The following ENGASE variants were observed in gnomAD, a reference collection of about 807,000 sequenced individuals.
ENGASE encodes the protein cytosolic endo-beta-N-acetylglucosaminidase.
ENGASE carries 69 observed loss-of-function variants against 78.5 expected under a neutral mutation model. The ratio of observed to expected loss-of-function variants is 0.88; its 90% confidence interval spans 0.72 to 1.07. ENGASE has a LOEUF of 1.07. Among genes scored for constraint, ENGASE ranks in the 50% least tolerant of loss-of-function variants. The probability of loss-of-function intolerance (pLI) is 0.00; values close to 1 mark genes in which losing one functional copy is unlikely to be tolerated. For missense variants in ENGASE, 943 were observed against 988.4 expected (o/e 0.95, Z 0.62); for synonymous variants, 408 against 408.9 (o/e 1.00, Z 0.03).
chr17:79,078,922 C>T (rs1484259749), intron 3 of ENGASE, among the ~76,000 whole-genome samples: 1 of 152,188 alleles, frequency 6.6e-6, no homozygotes, highest in Non-Finnish European at 1.5e-5. Context: ...TGTTCATTGG[C>T]TCACAGGGGG....
At position 79,083,830 on chromosome 17, in the gene ENGASE, C is replaced by T; in HGVS notation, c.1321C>T (p.Leu441=). The change falls in exon 10 of 14, where the codon CTG becomes TTG. Residue 441 remains leucine, a synonymous_variant. Coordinates refer to ENST00000579016, the MANE Select transcript of ENGASE (RefSeq NM_001042573.3). This position sits in a 1 kb window ranked among gnomAD's most constrained non-coding sequence, Gnocchi z 4.9. ...EIQPLFGEHR[L]GGDGRGWVRT... ...CCAGCCCTTGTTTGGAGAACACAGGCTGGGAGGGGATGGCCGGGGCTGGGT... is the reference window on the plus strand; with the variant it reads ...CCAGCCCTTGTTTGGAGAACACAGGTTGGGAGGGGATGGCCGGGGCTGGGT... The T allele has an allele frequency of 6.2e-7, 1 of 1,612,922 alleles. No homozygotes were observed. The highest frequency in any genetic ancestry group is 8.5e-7 in the Non-Finnish European group (1 of 1,179,730).
rs147090455 is a variant in ENGASE at position 79,078,801 on chromosome 17, C to T, written c.417-688C>T. On this transcript the variant is annotated intron_variant, in intron 3 of 13. Transcript: ENST00000579016. Reference sequence around the variant, plus strand: ...TCACAGGGCTTTCAACCCCGACCTTCGAGTTCCGGGAGACTCTGTTCTGAG... The same window carrying T: ...TCACAGGGCTTTCAACCCCGACCTTTGAGTTCCGGGAGACTCTGTTCTGAG... 7.2e-3 allele frequency among the ~76,000 whole-genome samples: 1,094 copies of T among 151,906 alleles called. 7 individuals carry two copies. The highest frequency in any genetic ancestry group is 0.023 in the African/African-American group (976 of 41,550).
At chr17:79,076,277 A>AT (rs2072966607) in intron 1 of ENGASE, among the ~76,000 whole-genome samples, 1 of 152,152 alleles carries the variant, frequency 6.6e-6, no homozygotes. Context: ...AATAATAATG[A>AT]TTTTTTAGGC....
At chr17:79,081,206 AAG>A (rs2073127010) in intron 6 of ENGASE, 133 bp downstream of exon 6, 1 of 1,217,032 alleles carries the variant, frequency 8.2e-7, no homozygotes, top group African/African-American at 1.6e-5. Context: ...ATTGGGTAAA[AAG>A]AGGGAGAAGG....
chr17:79,081,330 G>C (rs545528749), intron 6 of ENGASE, among the ~76,000 whole-genome samples: 1 of 152,140 alleles, frequency 6.6e-6, no homozygotes. Context: ...GTGAAACTCC[G>C]TCTCTACTGA....
At position 79,081,998 on chromosome 17, in the gene ENGASE, G is replaced by A; in HGVS notation, c.973G>A (p.Val325Met). 22 of 1,614,222 alleles carry A rather than the reference G, an allele frequency of 1.4e-5. No homozygotes were observed. The highest frequency in any genetic ancestry group is 1.8e-5 in the Non-Finnish European group (21 of 1,180,026). The change falls in exon 7 of 14, where the codon GTG becomes ATG. Residue 325 changes from valine (V) to methionine (M), a missense_variant. Transcript: ENST00000579016. ...LGQAGERRAD[V>M]YVGVDVFARG... ...GCAGGCTGGGGAGCGCCGGGCTGAT[G>A]TGTACGTGGGCGTGGATGTGTTTGC...
chr17:79,075,386 C>T lies in ENGASE; in HGVS notation c.146+296C>T, dbSNP rs186838161. ...CCCAGCGGGAATCCCGACGCCCCGG[C>T]CAGACCCCTGCTTCCCACGTCGCTG... On this transcript the variant is annotated intron_variant, in intron 1 of 13. Transcript: ENST00000579016. Among the ~76,000 whole-genome samples the T allele has an allele frequency of 6.5e-3, 994 of 152,336 alleles. 3 individuals carry two copies. The highest frequency in any genetic ancestry group is 0.011 in the Non-Finnish European group (774 of 68,010).
chr17:79,078,386 T>G (rs550980724), intron 3 of ENGASE, among the ~76,000 whole-genome samples: 1 of 152,218 alleles, frequency 6.6e-6, no homozygotes, highest in Admixed American at 6.5e-5. Context: ...GGCAGTGTCT[T>G]ATGTCCCTTT....
intron 1 of ENGASE, chr17:79,075,594 CAG>C: frequency 1.4e-6 from 1 of 698,042 alleles, no homozygotes; most frequent in Non-Finnish European, 1.8e-6. Context: ...GGCCAAAGCA[CAG>C]AGACAGAAAG....
intron 7 of ENGASE, chr17:79,082,443 G>T: frequency 8.2e-7 from 1 of 1,216,036 alleles, no homozygotes; most frequent in Non-Finnish European, 1.0e-6. Context: ...CTGCGGCTCA[G>T]GGGCGAGGAC....
In ENGASE at chr17:79,077,474, GT is replaced by G. The variant is rs1256784410; in HGVS notation, c.196del (p.Ser66ProfsTer53). ...GAGACAGTCTTTCGAGAGGTGGTCA[GT>G]TTTTCCCCGGACCCCCTGCCAGGTG... ...EEETVFREVV[S>X]FSPDPLPVRY... is the part of the protein sequence containing the mutation. On this transcript the variant is annotated frameshift_variant, in exon 2 of 14. Transcript: ENST00000579016. LOFTEE classifies it high-confidence loss of function. 1 of 1,567,560 alleles carries G rather than the reference GT, an allele frequency of 6.4e-7. No homozygotes were observed. The highest frequency in any genetic ancestry group is 8.6e-7 in the Non-Finnish European group (1 of 1,161,270).
At chr17:79,075,115 C>T (rs1405809410) in intron 1 of ENGASE, 25 bp downstream of exon 1, 2 of 1,204,724 alleles carry the variant, frequency 1.7e-6, no homozygotes, top group East Asian at 3.4e-5. Flanking sequence ...CCCGCGTGAA[C>T]CCCGATCCGC....
chr17:79,083,011 T>A lies in ENGASE; in HGVS notation c.1039-9T>A, dbSNP rs760434544. On this transcript the variant is annotated splice_polypyrimidine_tract_variant and intron_variant, in intron 7 of 13. Transcript: ENST00000579016. This position sits in a 1 kb window ranked among gnomAD's most constrained non-coding sequence, Gnocchi z 4.9. ...CTGATGTGCCCAGCGTCTCCCTCTG[T>A]CTCTTCAGTCGTTGGAGCTGATCCG... 7.4e-6 allele frequency: 12 copies of A among 1,613,080 alleles called. No individual in the cohort carries two copies. Among genetic ancestry groups the A allele is most frequent in the East Asian group, 2.2e-5 (1 of 44,870 alleles).
rs769554971 is a variant in ENGASE at position 79,085,612 on chromosome 17, C to T, written c.1701-8C>T. ...GCCCGGCCAGTGATCAGCCCTTTCG[C>T]CCCGTAGCTGCTACGAGGTGAGCCT... is the stretch of plus-strand genomic sequence containing the variant. On this transcript the variant is annotated splice_region_variant and splice_polypyrimidine_tract_variant and intron_variant, in intron 12 of 13. Transcript: ENST00000579016. The T allele has an allele frequency of 3.7e-6, 6 of 1,613,274 alleles. No homozygotes were observed. The South Asian group carries it at 5.5e-5, about 15-fold the overall frequency.
Position 79,083,006 on chromosome 17 carries a change from C to G in ENGASE, c.1039-14C>G, listed in dbSNP as rs371968786. On this transcript the variant is annotated splice_polypyrimidine_tract_variant and intron_variant, in intron 7 of 13. Coordinates refer to ENST00000579016, the MANE Select transcript of ENGASE (RefSeq NM_001042573.3). This position sits in a 1 kb window ranked among gnomAD's most constrained non-coding sequence, Gnocchi z 4.9. ...TGGTCCTGATGTGCCCAGCGTCTCC[C>G]TCTGTCTCTTCAGTCGTTGGAGCTG... The G allele has an allele frequency of 6.2e-7, 1 of 1,612,670 alleles. No individual in the cohort carries two copies.
At chr17:79,081,101 G>A (rs1435666464) in intron 6 of ENGASE, 28 bp downstream of exon 6, 1 of 1,562,130 alleles carries the variant, frequency 6.4e-7, no homozygotes, top group Non-Finnish European at 8.7e-7. Flanking sequence ...TGCTGTGAGG[G>A]GGCAGGTGCC....
At position 79,080,795 on chromosome 17, in the gene ENGASE, C is replaced by T. The variant is rs940219707; in HGVS notation, c.724-130C>T. 8 of 1,245,106 alleles carry T rather than the reference C, an allele frequency of 6.4e-6. No individual in the cohort carries two copies. The East Asian group carries it at 7.8e-5, about 12-fold the overall frequency. 77.1% of individuals were successfully genotyped at this position (1,245,106 alleles called of 1,614,324 possible). On this transcript the variant is annotated intron_variant, in intron 5 of 13. Transcript: ENST00000579016. ...ACTTGCGGGGCTGTGGCGGGGAGGGCCTTTCAGAACTGCAGCTTCGCCTGT... is the reference window on the plus strand; with the variant it reads ...ACTTGCGGGGCTGTGGCGGGGAGGGTCTTTCAGAACTGCAGCTTCGCCTGT...
intron 3 of ENGASE, among the ~76,000 whole-genome samples, chr17:79,078,929 G>T (rs62063822): frequency 6.6e-5 from 10 of 152,240 alleles, no homozygotes; most frequent in African/African-American, 1.7e-4. Flanking sequence ...TGGCTCACAG[G>T]GGGTAGCAGT....
chr17:79,083,210 T>C lies in ENGASE; in HGVS notation c.1142+87T>C. 2.0e-6 allele frequency: 2 copies of C among 1,014,602 alleles called. No homozygotes were observed. Among genetic ancestry groups the C allele is most frequent in the East Asian group, 2.4e-5 (1 of 41,640 alleles). The allele number at this position is 1,014,602 out of a possible 1,614,324, so 62.8% of individuals were successfully genotyped here. On this transcript the variant is annotated intron_variant, in intron 8 of 13. Coordinates refer to ENST00000579016, the MANE Select transcript of ENGASE (RefSeq NM_001042573.3). The surrounding 1 kb of genome is among the most constrained non-coding windows in gnomAD (Gnocchi z 4.9). ...TCTGATAGGACACGTTTGTGCTCTTTAGTGACCCTTCCTATGGGGGGGTGG... is the reference window on the plus strand; with the variant it reads ...TCTGATAGGACACGTTTGTGCTCTTCAGTGACCCTTCCTATGGGGGGGTGG...
Sources: allele counts gnomAD v4.1 joint callset (sites outside exome capture counted in the v4.1 genomes callset), GRCh38; gene constraint gnomAD v4.1.1; non-coding constraint Gnocchi (gnomAD v3.1); transcripts MANE v1.5; gene names NCBI Gene and HGNC (gene_info 2026-07-23, HGNC 2026-07-21).